PEAR1: variants seen among roughly 807,000 people sequenced by gnomAD.
The protein encoded by PEAR1 is multiple EGF-like domains protein 12.
In PEAR1, 113 loss-of-function variants were observed where a neutral mutation model predicts 131.2. The ratio of observed to expected loss-of-function variants is 0.86; its 90% CI spans 0.74 to 1.01. The LOEUF (loss-of-function observed/expected upper bound fraction) is 1.01, where lower values mean the gene tolerates loss of function less well. PEAR1 is among the 50% of genes least tolerant of loss of function. PEAR1 has a pLI of 0.00. For synonymous variants in PEAR1, 565 were observed against 523.3 expected, an observed-to-expected ratio of 1.08 and a Z score of -1.09; for missense variants, 1,408 against 1,391.1, an observed-to-expected ratio of 1.01 and a Z score of -0.19.
chr1:156,906,832 A>G lies in PEAR1; in HGVS notation c.596A>G (p.Asp199Gly), dbSNP rs750804599. The G allele has an allele frequency of 3.7e-6, 6 of 1,614,016 alleles. No individual in the cohort carries two copies. The Admixed American group carries it at 8.3e-5, about 22-fold the overall frequency. The change falls in exon 6 of 23, where the codon GAT becomes GGT. Residue 199 changes from aspartate to glycine, a missense_variant. Coordinates refer to ENST00000292357, the MANE Select transcript of PEAR1 (RefSeq NM_001080471.3). ...TGCCAGTGCCATGGGGCACCCTGCG[A>G]TCCCCAGACTGGAGCCTGCTTCTGC... ...FRCQCHGAPC[D>G]PQTGACFCPA...
chr1:156,906,410 C>G (rs1650306186), intron 5 of PEAR1, 42 bp downstream of exon 5: 1 of 1,602,972 alleles, frequency 6.2e-7, no homozygotes, highest in African/African-American at 1.3e-5. Flanking sequence ...CTTGTGCCTT[C>G]AGGGCCACAG....
intron 1 of PEAR1, 83 bp from the exon 2 acceptor site, chr1:156,903,835 C>T: frequency 2.6e-6 from 3 of 1,152,684 alleles, no homozygotes; most frequent in Non-Finnish European, 3.9e-6. Flanking sequence ...CTTCTGCATG[C>T]CCACGGCTCA....
At position 156,904,731 on chromosome 1, in the gene PEAR1, T is replaced by A. The variant is rs778369859; in HGVS notation, c.102-17T>A. 2.1e-5 allele frequency: 33 copies of A among 1,603,880 alleles called. No homozygotes were observed. Among genetic ancestry groups the A allele is most frequent in the Non-Finnish European group, 2.6e-5 (31 of 1,175,674 alleles). ...CTCCTCCTGCCCTCGGCCCTGACCC[T>A]GTTCCCTGTCTTGCAGCTTCACTAC... On this transcript the variant is annotated splice_polypyrimidine_tract_variant and intron_variant, in intron 2 of 22. Coordinates refer to ENST00000292357, the MANE Select transcript of PEAR1 (RefSeq NM_001080471.3).
rs77518602 is a variant in PEAR1 at position 156,895,771 on chromosome 1, G to A, written c.-10+1934G>A. On this transcript the variant is annotated intron_variant, in intron 1 of 22. Coordinates refer to ENST00000292357, the MANE Select transcript of PEAR1 (RefSeq NM_001080471.3). ...AAAGTCAGAAGACCAAAGAGAAACT[G>A]TGAGGTTAGAAGGCAGCACACTGGA... 6.6e-3 allele frequency among the ~76,000 whole-genome samples: 1,004 copies of A among 152,306 alleles called. 12 individuals are homozygous for A. The highest frequency in any genetic ancestry group is 0.023 in the African/African-American group (965 of 41,556).
chr1:156,904,711 C>T, intron 2 of PEAR1, 37 bp from the exon 3 acceptor site: 2 of 1,568,732 alleles, frequency 1.3e-6, no homozygotes, highest in Non-Finnish European at 1.7e-6. Context: ...CAGGCCTCCT[C>T]CTGCCCTCGG....
rs1558150422 is a variant in PEAR1 at position 156,913,775 on chromosome 1, G to A, written c.2713+15G>A. On this transcript the variant is annotated intron_variant, in intron 21 of 22. Coordinates refer to ENST00000292357, the MANE Select transcript of PEAR1 (RefSeq NM_001080471.3). ...CTACAATAAAGGTATGGGCACAGGG[G>A]CAACAAGGGAGGTGGCTGAGCTGGG... 2 of 1,613,284 alleles carry A rather than the reference G, an allele frequency of 1.2e-6. No homozygotes were observed. Among genetic ancestry groups the A allele is most frequent in the Non-Finnish European group, 8.5e-7 (1 of 1,179,514 alleles).
intron 1 of PEAR1, among the ~76,000 whole-genome samples, chr1:156,900,910 C>G (rs1352094393): frequency 6.6e-6 from 1 of 152,138 alleles, no homozygotes; most frequent in Admixed American, 6.5e-5. Flanking sequence ...CCCATTGCTG[C>G]TGTGGCTGGA....
chr1:156,904,885 G>A, intron 3 of PEAR1, 33 bp downstream of exon 3: 1 of 1,613,538 alleles, frequency 6.2e-7, no homozygotes, highest in East Asian at 2.2e-5. Context: ...GGGTGGATGG[G>A]CTACCTGAGT....
chr1:156,911,068 TCTTTCTTTCTTTCTTTCTTTCTTTC>T (rs1651043988), intron 15 of PEAR1, among the ~76,000 whole-genome samples: 1 of 114,554 alleles, frequency 8.7e-6, no homozygotes, highest in Non-Finnish European at 1.6e-5. Context: ...TTTCTTTCTT[TCTTTCTTTCTTTCTTTCTTTCTTTC>T]CTTTCTTTCT....
At chr1:156,911,980 T>C (rs1651258099) in intron 15 of PEAR1, among the ~76,000 whole-genome samples, 1 of 152,234 alleles carries the variant, frequency 6.6e-6, no homozygotes, top group Non-Finnish European at 1.5e-5. Context: ...TTTGGTTGTG[T>C]GGCACTGAAT....
rs1246639632 is a variant in PEAR1, at chr1:156,914,793, C to T, written c.3109C>T (p.Arg1037Cys). The change falls in exon 23 of 23, where the codon CGT (arginine) becomes TGT (cysteine). Residue 1037 changes from arginine (R) to cysteine (C), a missense_variant. Physicochemically the swap from Arg to Cys is radical, Grantham distance 180. Transcript: ENST00000292357. ...PPSPPLRRQD[R>C] The stretch of plus-strand genomic sequence containing the variant: ...ATCACCTCCACTTCGACGCCAGGAC[C>T]GTTGAGGAGCCAGGATGGTATGGCA... 5.0e-6 allele frequency: 8 copies of T among 1,613,680 alleles called. No individual in the cohort carries two copies. The highest frequency in any genetic ancestry group is 6.8e-6 in the Non-Finnish European group (8 of 1,179,736).
At chr1:156,907,520 A>G in intron 6 of PEAR1, 90 bp from the exon 7 acceptor site, 1 of 1,526,710 alleles carries the variant, frequency 6.6e-7, no homozygotes, top group Non-Finnish European at 8.8e-7. Context: ...CTAAGTCCTG[A>G]GGTGGGGGTT....
Position 156,912,887 on chromosome 1 carries a change from T to C in PEAR1, c.2327T>C (p.Ile776Thr). 1.9e-6 allele frequency: 3 copies of C among 1,614,212 alleles called. No homozygotes were observed. The highest frequency in any genetic ancestry group is 2.5e-6 in the Non-Finnish European group (3 of 1,180,030). The change falls in exon 18 of 23, where the codon ATT (isoleucine) becomes ACT (threonine). Residue 776 changes from isoleucine (I) to threonine (T), a missense_variant. By Grantham distance (89) the Ile-to-Thr change is moderately conservative (BLOSUM62 -1). Transcript: ENST00000292357. ...GTGGTAGCCCTGGTGGCACTGTTCA[T>C]TGGCTATCGGCACTGGCAAAAAGGC... is the stretch of plus-strand genomic sequence containing the variant. ...SLVVALVALFIGYRHWQKGKE... is the reference protein window; with the variant it reads ...SLVVALVALFTGYRHWQKGKE...
At chr1:156,897,453 G>A (rs1649272326) in intron 1 of PEAR1, among the ~76,000 whole-genome samples, 1 of 152,254 alleles carries the variant, frequency 6.6e-6, no homozygotes, top group Non-Finnish European at 1.5e-5. Flanking sequence ...TACGTCGGGG[G>A]CTGTGAACCC....
chr1:156,915,094 T>C lies in PEAR1; in HGVS notation c.*296T>C. 1 of 354,688 alleles carries C rather than the reference T, an allele frequency of 2.8e-6. No homozygotes were observed. Among genetic ancestry groups the C allele is most frequent in the Non-Finnish European group, 5.1e-6 (1 of 197,770 alleles). 22.0% of individuals were successfully genotyped at this position (354,688 alleles called of 1,614,324 possible). On this transcript the variant is annotated 3_prime_UTR_variant, in exon 23 of 23. Coordinates refer to ENST00000292357, the MANE Select transcript of PEAR1 (RefSeq NM_001080471.3). Reference sequence around the variant, plus strand: ...GGGTAACTCTGATTTCAGACATGCGTGTGGGGTACCTTTTCTGTGCATGCT... The same window carrying C: ...GGGTAACTCTGATTTCAGACATGCGCGTGGGGTACCTTTTCTGTGCATGCT...
intron 20 of PEAR1, 60 bp downstream of exon 20, chr1:156,913,583 G>T (rs1003507385): frequency 1.9e-6 from 3 of 1,603,980 alleles, no homozygotes; most frequent in Non-Finnish European, 8.5e-7. Context: ...CAGATGCCGC[G>T]TCTGAGTGTG....
chr1:156,909,887 T>C lies in PEAR1; in HGVS notation c.1548T>C (p.His516=). 1 of 1,609,248 alleles carries C rather than the reference T, an allele frequency of 6.2e-7. No homozygotes were observed. Among genetic ancestry groups the C allele is most frequent in the Non-Finnish European group, 8.5e-7 (1 of 1,176,430 alleles). Residue 516 remains histidine (H), a synonymous_variant, in exon 12 of 23, where the codon CAT becomes CAC. Coordinates refer to ENST00000292357, the MANE Select transcript of PEAR1 (RefSeq NM_001080471.3). ...TGACTCTPGW[H]GAHCQLPCPK... ...CCTGTACCTGCACCCCTGGGTGGCA[T>C]GGGGCCCACTGCCAGCTGCCCTGTC... is the stretch of plus-strand genomic sequence containing the variant.
rs1205282426 is a variant in PEAR1 at position 156,902,726 on chromosome 1, G to A, written c.-9-1192G>A. On this transcript the variant is annotated intron_variant, in intron 1 of 22. Coordinates refer to ENST00000292357, the MANE Select transcript of PEAR1 (RefSeq NM_001080471.3). The surrounding 1 kb of genome is among the most constrained non-coding windows in gnomAD (Gnocchi z 4.3). ...GCAGATGTGGGCGCCTCGGGGAGGC[G>A]TAGAGCAGGGAGCCAGAGCAAGTTT... Among the ~76,000 whole-genome samples the A allele has an allele frequency of 3.9e-5, 6 of 152,150 alleles. No homozygotes were observed. Among genetic ancestry groups the A allele is most frequent in the Non-Finnish European group, 7.4e-5 (5 of 68,018 alleles).
rs1650350598 is a variant in PEAR1, at chr1:156,906,680, C to T, written c.444C>T (p.Cys148=). The part of the protein sequence containing the change: ...GMWGPQCDKP[C]SCGNNSSCDP... Reference sequence around the variant, plus strand: ...GGGGGCCACAGTGTGACAAGCCCTGCAGCTGCGGCAACAACAGCTCGTGTG... The same window carrying T: ...GGGGGCCACAGTGTGACAAGCCCTGTAGCTGCGGCAACAACAGCTCGTGTG... The change falls in exon 6 of 23, where the codon TGC becomes TGT. Residue 148 remains cysteine, a synonymous_variant. Transcript: ENST00000292357. 2 of 1,614,090 alleles carry T rather than the reference C, an allele frequency of 1.2e-6. No homozygotes were observed. The highest frequency in any genetic ancestry group is 1.1e-5 in the South Asian group (1 of 91,092).
Sources: gnomAD v4.1 joint callset for allele counts (sites outside exome capture counted in the v4.1 genomes callset) on GRCh38, gnomAD v4.1.1 for gene constraint, Gnocchi (gnomAD v3.1) non-coding constraint, MANE v1.5 for transcripts, NCBI Gene and HGNC (gene_info 2026-07-23, HGNC 2026-07-21) for gene names.